Variants in DPP10 observed in about 807,000 individuals in gnomAD.
The protein encoded by DPP10 is inactive dipeptidyl peptidase 10.
A neutral mutation model predicts 120.9 loss-of-function variants in DPP10; 33 were observed. That is an observed-to-expected ratio of 0.27 (90% confidence interval 0.21 to 0.37). The LOEUF (loss-of-function observed/expected upper bound fraction) is 0.37, where lower values mean the gene tolerates loss of function less well. Ranked by LOEUF, DPP10 falls within the 10% of genes least tolerant of loss-of-function variation. The pLI, the probability that DPP10 is intolerant of heterozygous loss-of-function variation, is 1.00. For missense variants in DPP10, 816 were observed against 942.8 expected (o/e 0.87, Z 1.76); for synonymous variants, 337 against 326.1 (o/e 1.03, Z -0.36).
chr2:115,190,365 G>A (rs1050724743), intron 1 of DPP10, among the ~76,000 whole-genome samples: 4 of 151,770 alleles, frequency 2.6e-5, no homozygotes, highest in African/African-American at 4.8e-5. Flanking sequence ...TCATGTTGAC[G>A]GAATCCTAGG....
chr2:115,732,715 T>A (rs1196972700), intron 8 of DPP10, among the ~76,000 whole-genome samples: 2 of 151,930 alleles, frequency 1.3e-5, no homozygotes, highest in Non-Finnish European at 2.9e-5. Context: ...GGAAAAAAAA[T>A]GACTCACTTT....
intron 5 of DPP10, among the ~76,000 whole-genome samples, chr2:115,566,071 G>A (rs1410079232): frequency 6.6e-6 from 1 of 152,096 alleles, no homozygotes. Context: ...ACAAACATGA[G>A]CCACTGTGCC....
chr2:115,604,952 T>A (rs980847497), intron 5 of DPP10, among the ~76,000 whole-genome samples: 2 of 152,204 alleles, frequency 1.3e-5, no homozygotes, highest in Non-Finnish European at 2.9e-5. Flanking sequence ...TTACTCTAAT[T>A]TGATATATCT....
At chr2:115,644,753 A>G (rs1158142586) in intron 5 of DPP10, among the ~76,000 whole-genome samples, 1 of 152,180 alleles carries the variant, frequency 6.6e-6, no homozygotes, top group African/African-American at 2.4e-5. Flanking sequence ...ACTGCACTCC[A>G]GCCAAGGTGA....
intron 5 of DPP10, among the ~76,000 whole-genome samples, chr2:115,558,891 T>A (rs2080386260): frequency 6.6e-6 from 1 of 152,190 alleles, no homozygotes; most frequent in African/African-American, 2.4e-5. Context: ...TTATCTACTT[T>A]AATTGTAATG....
chr2:115,164,081 G>T (rs1559169220), intron 1 of DPP10, among the ~76,000 whole-genome samples: 2 of 152,084 alleles, frequency 1.3e-5, no homozygotes, highest in African/African-American at 4.8e-5. Context: ...GCCTTTCTGA[G>T]TATTGACATG....
At chr2:115,154,082 A>G (rs758523831) in intron 1 of DPP10, among the ~76,000 whole-genome samples, 2 of 152,138 alleles carry the variant, frequency 1.3e-5, no homozygotes, top group Non-Finnish European at 2.9e-5. Flanking sequence ...AGAAATTTCT[A>G]TTGACTTTAT....
intron 1 of DPP10, among the ~76,000 whole-genome samples, chr2:114,627,187 G>T (rs1694575303): frequency 6.6e-6 from 1 of 152,066 alleles, no homozygotes; most frequent in African/African-American, 2.4e-5. Context: ...ATATTTGCTA[G>T]TTATGATGCA....
intron 1 of DPP10, among the ~76,000 whole-genome samples, chr2:114,709,487 C>A (rs899070791): frequency 6.6e-6 from 1 of 152,098 alleles, no homozygotes; most frequent in Non-Finnish European, 1.5e-5. Context: ...GGTTGGACAC[C>A]AACATATCCT....
At chr2:115,672,680 CTCTTTCTT>C (rs70941085) in intron 5 of DPP10, among the ~76,000 whole-genome samples, 3 of 113,338 alleles carry the variant, frequency 2.6e-5, no homozygotes, top group African/African-American at 1.1e-4. Flanking sequence ...CTCTTTCTTT[CTCTTTCTT>C]TCTTTCTTTC....
chr2:114,903,455 C>G (rs1693740223), intron 1 of DPP10, among the ~76,000 whole-genome samples: 1 of 152,094 alleles, frequency 6.6e-6, no homozygotes, highest in Non-Finnish European at 1.5e-5. Context: ...TTGATGTTGT[C>G]AGTGTTTTGA....
chr2:115,762,929 T>G (rs966706036), intron 12 of DPP10, among the ~76,000 whole-genome samples: 1 of 152,224 alleles, frequency 6.6e-6, no homozygotes, highest in African/African-American at 2.4e-5. Context: ...ATCATTAGCA[T>G]TGTTCAAATT....
At chr2:115,778,609 G>T (rs975729036) in intron 15 of DPP10, among the ~76,000 whole-genome samples, 9 of 151,938 alleles carry the variant, frequency 5.9e-5, no homozygotes, top group African/African-American at 2.2e-4. Flanking sequence ...TGTCAAAACT[G>T]CCATGACATA....
chr2:115,717,781 C>T (rs2092542122), intron 7 of DPP10, among the ~76,000 whole-genome samples: 1 of 152,124 alleles, frequency 6.6e-6, no homozygotes, highest in Non-Finnish European at 1.5e-5. Context: ...ACCACATCAC[C>T]CTTGCTGGAT....
chr2:115,158,980 A>C (rs1031254390), intron 1 of DPP10, among the ~76,000 whole-genome samples: 1 of 151,400 alleles, frequency 6.6e-6, no homozygotes. Context: ...TTATCTATTG[A>C]GTTTTTTTTT....
rs540475497 is a variant in DPP10 at position 115,330,216 on chromosome 2, T to G, written c.176-13601T>G. Among the ~76,000 whole-genome samples the G allele has an allele frequency of 1.4e-4, 21 of 152,232 alleles. No homozygotes were observed. In the East Asian group the frequency reaches 3.1e-3, roughly 22 times the overall value. ...ATGATGAGCATTTTTTCATGTGTCT[T>G]TTGGCTGCATAAATGTCTTCTTTTG... is the stretch of plus-strand genomic sequence containing the variant. On this transcript the variant is annotated intron_variant, in intron 2 of 25. Coordinates refer to ENST00000410059, the MANE Select transcript of DPP10 (RefSeq NM_020868.6).
chr2:115,349,351 C>T (rs1444871553), intron 3 of DPP10, among the ~76,000 whole-genome samples: 1 of 151,994 alleles, frequency 6.6e-6, no homozygotes, highest in Non-Finnish European at 1.5e-5. Context: ...CCTCTTAAGG[C>T]TTGGTTTCTT....
chr2:115,403,083 T>A (rs1452865324), intron 3 of DPP10, among the ~76,000 whole-genome samples: 1 of 150,318 alleles, frequency 6.7e-6, no homozygotes, highest in Non-Finnish European at 1.5e-5. Flanking sequence ...CAAGTGAGAG[T>A]TATTCTTAGG....
At chr2:115,436,545 A>G (rs1050064878) in intron 3 of DPP10, among the ~76,000 whole-genome samples, 4 of 151,832 alleles carry the variant, frequency 2.6e-5, no homozygotes, top group African/African-American at 9.7e-5. Context: ...TGTTCATTGG[A>G]TTCTTAAGCA....
Sources: allele counts gnomAD v4.1 joint callset (sites outside exome capture counted in the v4.1 genomes callset), GRCh38; gene constraint gnomAD v4.1.1; transcripts MANE v1.5; gene names NCBI Gene and HGNC (gene_info 2026-07-23, HGNC 2026-07-21).